The following CADM2 variants were observed in gnomAD, a reference collection of about 807,000 sequenced individuals.
CADM2 encodes the protein cell adhesion molecule 2.
A neutral mutation model predicts 49.8 loss-of-function variants in CADM2; 12 were observed. The ratio of observed to expected loss-of-function variants is 0.24; its 90% CI spans 0.15 to 0.39. The LOEUF (loss-of-function observed/expected upper bound fraction) is 0.39. Among genes scored for constraint, CADM2 ranks in the 10% least tolerant of loss-of-function variants. The pLI, the probability that CADM2 is intolerant of heterozygous loss-of-function variation, is 1.00. For synonymous variants in CADM2, 214 were observed against 175.4 expected, an observed-to-expected ratio of 1.22 and a Z score of -1.74; for missense variants, 378 against 492.3, an observed-to-expected ratio of 0.77 and a Z score of 2.20.
chr3:85,501,921 T>C (rs1007216481), intron 1 of CADM2, among the ~76,000 whole-genome samples: 1 of 152,108 alleles, frequency 6.6e-6, no homozygotes, highest in African/African-American at 2.4e-5. Context: ...ACACAGTCTA[T>C]CTCTAAGGTA....
At chr3:85,261,142 T>G (rs533758501) in intron 1 of CADM2, among the ~76,000 whole-genome samples, 1 of 152,236 alleles carries the variant, frequency 6.6e-6, no homozygotes, top group Admixed American at 6.6e-5. Context: ...TTCTATTTAT[T>G]TATTTATTTT....
At chr3:85,077,976 A>C (rs1425277891) in intron 1 of CADM2, among the ~76,000 whole-genome samples, 1 of 152,058 alleles carries the variant, frequency 6.6e-6, no homozygotes, top group Admixed American at 6.6e-5. Flanking sequence ...AAGCAAAATA[A>C]ATTAAAATAA....
At chr3:85,655,044 A>C (rs562036842) in intron 1 of CADM2, among the ~76,000 whole-genome samples, 66 of 152,354 alleles carry the variant, frequency 4.3e-4, no homozygotes, top group Admixed American at 7.8e-4. Flanking sequence ...AGGAAACAAA[A>C]AATTGTAAGG....
chr3:85,759,455 A>G (rs1313802663), intron 2 of CADM2, among the ~76,000 whole-genome samples: 1 of 152,108 alleles, frequency 6.6e-6, no homozygotes, highest in Non-Finnish European at 1.5e-5. Context: ...TGCATAAGCA[A>G]TAAAGATCAC....
At chr3:85,639,785 T>C (rs1181232438) in intron 1 of CADM2, among the ~76,000 whole-genome samples, 38 of 152,232 alleles carry the variant, frequency 2.5e-4, no homozygotes, top group Non-Finnish European at 2.9e-5. Flanking sequence ...ATCAGAGCCC[T>C]GAATCACTGG....
chr3:85,916,243 C>T (rs1718299550), intron 6 of CADM2, among the ~76,000 whole-genome samples: 1 of 152,062 alleles, frequency 6.6e-6, no homozygotes, highest in Non-Finnish European at 1.5e-5. Context: ...CATATGTATA[C>T]ATGTGCCATG....
intron 1 of CADM2, among the ~76,000 whole-genome samples, chr3:85,683,174 T>G (rs2066088261): frequency 6.6e-6 from 1 of 151,648 alleles, no homozygotes; most frequent in Non-Finnish European, 1.5e-5. Context: ...TCATAAAGAG[T>G]TAAATCCTAA....
At chr3:85,572,827 C>A (rs2062518277) in intron 1 of CADM2, among the ~76,000 whole-genome samples, 1 of 152,118 alleles carries the variant, frequency 6.6e-6, no homozygotes, top group South Asian at 2.1e-4. Context: ...TGGTGCCCTA[C>A]CACACTGAAG....
rs1337113452 is a variant in CADM2 at position 86,022,763 on chromosome 3, A to G, written c.971-42842A>G. On this transcript the variant is annotated intron_variant, in intron 8 of 9. Transcript: ENST00000383699. ...TAGCAAATTTAACCTAGGTTATTCA[A>G]TAATAATATGATTTAAAATAACTTC... Among the ~76,000 whole-genome samples, 4 of 152,256 alleles carry G rather than the reference A, an allele frequency of 2.6e-5. No individual in the cohort carries two copies. In the South Asian group the frequency reaches 6.2e-4, roughly 24 times the overall value.
At chr3:85,960,578 A>C (rs1724686133) in intron 7 of CADM2, among the ~76,000 whole-genome samples, 1 of 152,002 alleles carries the variant, frequency 6.6e-6, no homozygotes. Flanking sequence ...TCTTTTGAGA[A>C]TTACAGAAAA....
At chr3:85,289,256 T>C (rs2043714130) in intron 1 of CADM2, among the ~76,000 whole-genome samples, 1 of 152,202 alleles carries the variant, frequency 6.6e-6, no homozygotes, top group East Asian at 1.9e-4. Context: ...TTACTAATTA[T>C]GGAGGGGTAA....
chr3:85,326,492 AAC>A (rs1207054136), intron 1 of CADM2, among the ~76,000 whole-genome samples: 3 of 152,144 alleles, frequency 2.0e-5, no homozygotes, highest in Non-Finnish European at 4.4e-5. Flanking sequence ...TTTTTCCATT[AAC>A]ACAGTATAGA....
intron 1 of CADM2, among the ~76,000 whole-genome samples, chr3:85,080,988 A>C (rs2037141020): frequency 6.6e-6 from 1 of 152,090 alleles, no homozygotes; most frequent in Admixed American, 6.6e-5. Flanking sequence ...AAATACTGAA[A>C]ATTTCTGAGC....
chr3:85,374,920 C>T (rs1452284619), intron 1 of CADM2, among the ~76,000 whole-genome samples: 1 of 151,990 alleles, frequency 6.6e-6, no homozygotes, highest in Non-Finnish European at 1.5e-5. Context: ...ACAGCGAAAC[C>T]ATATCAGTGC....
intron 8 of CADM2, among the ~76,000 whole-genome samples, chr3:85,970,312 A>G (rs1725962575): frequency 6.6e-6 from 1 of 151,468 alleles, no homozygotes; most frequent in Admixed American, 6.6e-5. Context: ...ACCTTTTATA[A>G]GAGAGACCTG....
chr3:85,531,553 C>T (rs1378290178), intron 1 of CADM2, among the ~76,000 whole-genome samples: 1 of 152,130 alleles, frequency 6.6e-6, no homozygotes. Flanking sequence ...GTGGCTCTAA[C>T]ATTTGCAAGA....
intron 1 of CADM2, among the ~76,000 whole-genome samples, chr3:85,271,668 A>T (rs1315188949): frequency 2.0e-5 from 3 of 151,050 alleles, no homozygotes. Context: ...ACATACAGTA[A>T]CTCAGTCATT....
At chr3:85,603,769 A>C (rs978650985) in intron 1 of CADM2, among the ~76,000 whole-genome samples, 7 of 151,958 alleles carry the variant, frequency 4.6e-5, no homozygotes, top group Non-Finnish European at 8.8e-5. Context: ...TGCATATTTT[A>C]AAATTCCAAA....
At chr3:85,637,621 A>ATAAAATAAAATAAAATAAAAT (rs67331615) in intron 1 of CADM2, among the ~76,000 whole-genome samples, 7 of 114,528 alleles carry the variant, frequency 6.1e-5, no homozygotes, top group Non-Finnish European at 1.0e-4. Context: ...AAAAAAAAAA[A>ATAAAATAAAATAAAATAAAAT]AAAATAAAAT....
Sources: allele counts gnomAD v4.1 joint callset (sites outside exome capture counted in the v4.1 genomes callset), GRCh38; gene constraint gnomAD v4.1.1; transcripts MANE v1.5; gene names NCBI Gene and HGNC (gene_info 2026-07-23, HGNC 2026-07-21).